FSIP1: variants seen among roughly 807,000 people sequenced by gnomAD.
FSIP1 encodes the protein fibrous sheath interacting protein 1, also known as fibrous sheath-interacting protein 1.
FSIP1 carries 65 observed loss-of-function variants against 60.9 expected under a neutral mutation model. The observed-to-expected ratio is 1.07, with a 90% CI of 0.87 to 1.31. The LOEUF (loss-of-function observed/expected upper bound fraction) is 1.31, where lower values mean the gene tolerates loss of function less well. Ranked by LOEUF, FSIP1 falls within the 40% of genes most tolerant of loss-of-function variation. The pLI, the probability that FSIP1 is intolerant of heterozygous loss-of-function variation, is 0.00. For missense variants in FSIP1, 675 were observed against 665.5 expected, an observed-to-expected ratio of 1.01 and a Z score of -0.16; for synonymous variants, 209 against 221.2, an observed-to-expected ratio of 0.94 and a Z score of 0.49.
At chr15:39,705,005 A>C (rs1895205807) in intron 10 of FSIP1, among the ~76,000 whole-genome samples, 1 of 152,250 alleles carries the variant, frequency 6.6e-6, no homozygotes, top group Non-Finnish European at 1.5e-5. Flanking sequence ...GAAATAGTAG[A>C]GACTTCAAAT....
intron 10 of FSIP1, among the ~76,000 whole-genome samples, chr15:39,625,523 A>T (rs945686010): frequency 6.6e-6 from 1 of 152,174 alleles, no homozygotes; most frequent in Non-Finnish European, 1.5e-5. Context: ...TTATGTTTTC[A>T]TTTTGTGGGA....
At chr15:39,646,824 T>C (rs145425252) in intron 10 of FSIP1, among the ~76,000 whole-genome samples, 65 of 152,214 alleles carry the variant, frequency 4.3e-4, no homozygotes, top group Admixed American at 1.1e-3. Flanking sequence ...ACAACTGAAA[T>C]GTCTGTTGAT....
At chr15:39,721,437 G>A (rs924199050) in intron 9 of FSIP1, among the ~76,000 whole-genome samples, 1 of 152,158 alleles carries the variant, frequency 6.6e-6, no homozygotes, top group Non-Finnish European at 1.5e-5. Context: ...CTTTTCATCT[G>A]ATCAGTGCCC....
chr15:39,758,074 C>G (rs762840372), intron 5 of FSIP1, among the ~76,000 whole-genome samples: 1 of 152,118 alleles, frequency 6.6e-6, no homozygotes, highest in South Asian at 2.1e-4. Context: ...GTTAGAACAT[C>G]AGGACTAATC....
intron 10 of FSIP1, among the ~76,000 whole-genome samples, chr15:39,673,739 C>T (rs1246514513): frequency 1.3e-5 from 2 of 152,128 alleles, no homozygotes; most frequent in Non-Finnish European, 2.9e-5. Context: ...ATGAACCCAC[C>T]ACCTGACACA....
At chr15:39,744,037 T>C (rs1035314435) in intron 5 of FSIP1, among the ~76,000 whole-genome samples, 4 of 152,242 alleles carry the variant, frequency 2.6e-5, no homozygotes, top group Admixed American at 6.5e-5. Context: ...ATAAAGCCTA[T>C]AGATAATTGC....
chr15:39,658,485 G>A (rs186713218), intron 10 of FSIP1, among the ~76,000 whole-genome samples: 4 of 151,928 alleles, frequency 2.6e-5, no homozygotes, highest in Non-Finnish European at 4.4e-5. Context: ...CCTGATCTCC[G>A]GTGATCCGCC....
At chr15:39,704,039 T>C (rs889318499) in intron 10 of FSIP1, among the ~76,000 whole-genome samples, 2 of 152,224 alleles carry the variant, frequency 1.3e-5, no homozygotes, top group African/African-American at 4.8e-5. Context: ...TACTTGCTTG[T>C]TTCAAAATGG....
chr15:39,643,446 T>C (rs1892458571), intron 10 of FSIP1, among the ~76,000 whole-genome samples: 3 of 152,208 alleles, frequency 2.0e-5, no homozygotes, highest in Non-Finnish European at 4.4e-5. Context: ...ATCTGGAGTT[T>C]CCCAGCTAGG....
At chr15:39,659,474 G>A (rs993376770) in intron 10 of FSIP1, among the ~76,000 whole-genome samples, 15 of 151,378 alleles carry the variant, frequency 9.9e-5, no homozygotes, top group East Asian at 1.9e-4. Flanking sequence ...CCCAGGAGGC[G>A]GAGCTTGCAG....
At chr15:39,617,239 T>C (rs937938867) in intron 11 of FSIP1, among the ~76,000 whole-genome samples, 2 of 152,180 alleles carry the variant, frequency 1.3e-5, no homozygotes, top group East Asian at 1.9e-4. Context: ...TCCTGTACCA[T>C]GACCATTGCA....
intron 11 of FSIP1, among the ~76,000 whole-genome samples, chr15:39,607,515 T>G (rs1197095359): frequency 1.3e-5 from 2 of 152,226 alleles, no homozygotes; most frequent in African/African-American, 4.8e-5. Flanking sequence ...CTGAATTTAC[T>G]GAACCTTGTA....
chr15:39,602,204 C>A, intron 11 of FSIP1: 1 of 369,224 alleles, frequency 2.7e-6, no homozygotes, highest in South Asian at 2.0e-5. Flanking sequence ...ACAAAAAAGA[C>A]AGAGGGAGAT....
chr15:39,706,881 C>T (rs1307598536), intron 10 of FSIP1, among the ~76,000 whole-genome samples: 2 of 152,170 alleles, frequency 1.3e-5, no homozygotes, highest in Non-Finnish European at 2.9e-5. Context: ...TTCCTTAATA[C>T]TCTATCACAG....
At chr15:39,737,347 AC>A (rs1896648631) in intron 8 of FSIP1, among the ~76,000 whole-genome samples, 1 of 152,004 alleles carries the variant, frequency 6.6e-6, no homozygotes, top group Non-Finnish European at 1.5e-5. Context: ...CCTCCTGTTA[AC>A]CCCAGGACTC....
At chr15:39,737,957 A>G in intron 8 of FSIP1, 134 bp downstream of exon 8, 1 of 566,866 alleles carries the variant, frequency 1.8e-6, no homozygotes, top group South Asian at 3.0e-5. Flanking sequence ...TTAGTAAAAC[A>G]GGGTTTTTTT....
Position 39,636,578 on chromosome 15 carries a change from C to A in FSIP1, c.1189-18333G>T, listed in dbSNP as rs186922878. ...AAGGTCACAGGGCTGCTCTAACTGG[C>A]AAGGGTGGATTGATGGACTTTAGGG... On this transcript the variant is annotated intron_variant, in intron 10 of 11. Transcript: ENST00000350221. 5.9e-5 allele frequency among the ~76,000 whole-genome samples: 9 copies of A among 152,310 alleles called. No homozygotes were observed. The East Asian group carries it at 1.7e-3, about 29-fold the overall frequency.
At chr15:39,720,453 C>A (rs1207568363) in intron 9 of FSIP1, among the ~76,000 whole-genome samples, 1 of 152,108 alleles carries the variant, frequency 6.6e-6, no homozygotes, top group Admixed American at 6.5e-5. Flanking sequence ...AAGAACACAG[C>A]AATGCCTCCT....
chr15:39,738,264 A>T, intron 7 of FSIP1, 63 bp from the exon 8 acceptor site: 2 of 1,107,940 alleles, frequency 1.8e-6, no homozygotes, highest in Non-Finnish European at 2.6e-6. Context: ...AGGAAAAAAA[A>T]AATGGAATCT....
Sources: allele counts gnomAD v4.1 joint callset (sites outside exome capture counted in the v4.1 genomes callset), GRCh38; gene constraint gnomAD v4.1.1; transcripts MANE v1.5; gene names NCBI Gene and HGNC (gene_info 2026-07-23, HGNC 2026-07-21).